The following GPC5 variants were observed in gnomAD, a reference collection of about 807,000 sequenced individuals.
GPC5 encodes glypican 5, also known as glypican-5.
In GPC5, 47 loss-of-function variants were observed where a neutral mutation model predicts 53.9. The ratio of observed to expected loss-of-function variants is 0.87; its 90% CI spans 0.69 to 1.11. GPC5 has a LOEUF of 1.11. Among genes scored for constraint, GPC5 ranks in the 50% most tolerant of loss-of-function variants. GPC5 has a pLI of 0.00. For missense variants in GPC5, 748 were observed against 713.1 expected, an observed-to-expected ratio of 1.05 and a Z score of -0.56; for synonymous variants, 286 against 263.3, an observed-to-expected ratio of 1.09 and a Z score of -0.84.
chr13:92,045,365 T>C (rs1167616536), intron 6 of GPC5, among the ~76,000 whole-genome samples: 2 of 152,174 alleles, frequency 1.3e-5, no homozygotes, highest in African/African-American at 4.8e-5. Context: ...CAAATAGATG[T>C]CAGACTCATT....
At chr13:91,405,832 A>G (rs1309366286) in intron 1 of GPC5, among the ~76,000 whole-genome samples, 1 of 152,156 alleles carries the variant, frequency 6.6e-6, no homozygotes, top group Non-Finnish European at 1.5e-5. Flanking sequence ...GTGCAGTGGT[A>G]TAATTACAGC....
chr13:92,397,562 T>G (rs1433798605), intron 7 of GPC5, among the ~76,000 whole-genome samples: 5 of 152,254 alleles, frequency 3.3e-5, no homozygotes, highest in Admixed American at 2.0e-4. Flanking sequence ...TTCCGCAGCT[T>G]CTGCTCCAGG....
intron 7 of GPC5, among the ~76,000 whole-genome samples, chr13:92,513,682 T>C (rs1880663188): frequency 6.6e-6 from 1 of 152,132 alleles, no homozygotes; most frequent in Non-Finnish European, 1.5e-5. Flanking sequence ...TGTCTCAGAC[T>C]TCAGGTTTTT....
intron 7 of GPC5, among the ~76,000 whole-genome samples, chr13:92,291,831 A>G (rs559092003): frequency 1.3e-5 from 2 of 152,248 alleles, no homozygotes; most frequent in South Asian, 4.2e-4. Flanking sequence ...CTCCAGACGC[A>G]CTGCCTTAAG....
intron 7 of GPC5, among the ~76,000 whole-genome samples, chr13:92,287,259 A>T (rs2042962492): frequency 6.6e-6 from 1 of 152,186 alleles, no homozygotes; most frequent in South Asian, 2.1e-4. Flanking sequence ...ATATCTTGAA[A>T]GTTGTTTTAT....
At chr13:91,829,630 G>A (rs917489247) in intron 5 of GPC5, among the ~76,000 whole-genome samples, 3 of 151,954 alleles carry the variant, frequency 2.0e-5, no homozygotes, top group Non-Finnish European at 2.9e-5. Flanking sequence ...TAGAGGTATC[G>A]GGGAACCTGC....
chr13:92,195,995 C>A (rs912830380), intron 7 of GPC5, among the ~76,000 whole-genome samples: 1 of 152,006 alleles, frequency 6.6e-6, no homozygotes, highest in East Asian at 1.9e-4. Context: ...ATGGAACTGC[C>A]AAGACTTTCA....
At chr13:92,578,496 C>A (rs571050928) in intron 7 of GPC5, among the ~76,000 whole-genome samples, 2 of 152,238 alleles carry the variant, frequency 1.3e-5, no homozygotes, top group South Asian at 4.1e-4. Context: ...TCGTGTGATA[C>A]ACCATCTGCA....
At chr13:91,711,984 G>A (rs1415819285) in intron 3 of GPC5, among the ~76,000 whole-genome samples, 1 of 152,114 alleles carries the variant, frequency 6.6e-6, no homozygotes, top group African/African-American at 2.4e-5. Context: ...CTAAGAACAC[G>A]GTTCAGAAAC....
intron 7 of GPC5, among the ~76,000 whole-genome samples, chr13:92,653,329 T>A (rs1368799953): frequency 6.6e-6 from 1 of 152,152 alleles, no homozygotes; most frequent in Non-Finnish European, 1.5e-5. Context: ...CCCAATCTAC[T>A]TTATCTTTAA....
Position 91,753,604 on chromosome 13 carries a change from A to C in GPC5, c.1155-2691A>C, listed in dbSNP as rs543392596. On this transcript the variant is annotated intron_variant, in intron 4 of 7. Transcript: ENST00000377067. ...ATGATGATAACACCTGCTTGCTGGA[A>C]AACTTAATGGTTCCAACTGCCTTTT... Among the ~76,000 whole-genome samples the C allele has an allele frequency of 3.9e-5, 6 of 152,300 alleles. No homozygotes were observed. In the South Asian group the frequency reaches 1.2e-3, roughly 32 times the overall value.
Position 91,922,555 on chromosome 13 carries a change from C to T in GPC5, c.1401+14498C>T, listed in dbSNP as rs532173883. On this transcript the variant is annotated intron_variant, in intron 6 of 7. Coordinates refer to ENST00000377067, the MANE Select transcript of GPC5 (RefSeq NM_004466.6). ...TTGACTTGAAAAACACCAATTATAT[C>T]TTTTTCTCTGTAACTCTTAGTCATT... Among the ~76,000 whole-genome samples the T allele has an allele frequency of 3.9e-5, 6 of 152,286 alleles. No individual in the cohort carries two copies. The South Asian group carries it at 1.0e-3, about 26-fold the overall frequency.
At chr13:92,092,109 T>C (rs1487576095) in intron 6 of GPC5, among the ~76,000 whole-genome samples, 1 of 152,202 alleles carries the variant, frequency 6.6e-6, no homozygotes, top group Non-Finnish European at 1.5e-5. Flanking sequence ...TGTTGCTATA[T>C]ATCTCTTAAA....
intron 3 of GPC5, among the ~76,000 whole-genome samples, chr13:91,708,221 A>T (rs1034382056): frequency 6.6e-6 from 1 of 152,092 alleles, no homozygotes; most frequent in Non-Finnish European, 1.5e-5. Flanking sequence ...AAAGTTCTAG[A>T]TAGAGATTCC....
At chr13:91,460,300 T>G (rs941726879) in intron 2 of GPC5, among the ~76,000 whole-genome samples, 7 of 141,846 alleles carry the variant, frequency 4.9e-5, no homozygotes, top group African/African-American at 1.7e-4. Flanking sequence ...TTTGTTGTCT[T>G]TTTTTTTTTT....
intron 7 of GPC5, among the ~76,000 whole-genome samples, chr13:92,714,546 C>G (rs1040201196): frequency 6.6e-6 from 1 of 152,300 alleles, no homozygotes; most frequent in South Asian, 2.1e-4. Context: ...AGCTTTTCTA[C>G]CTTCATTATC....
At chr13:91,974,969 A>G (rs528550877) in intron 6 of GPC5, among the ~76,000 whole-genome samples, 3 of 152,312 alleles carry the variant, frequency 2.0e-5, no homozygotes, top group Non-Finnish European at 2.9e-5. Context: ...AATGCCGCAT[A>G]TCTACAACCA....
intron 6 of GPC5, among the ~76,000 whole-genome samples, chr13:91,923,026 C>T (rs1052278814): frequency 2.0e-5 from 3 of 152,096 alleles, no homozygotes; most frequent in African/African-American, 7.2e-5. Context: ...ATTTTCTATT[C>T]TTGTTATCTA....
intron 7 of GPC5, among the ~76,000 whole-genome samples, chr13:92,705,476 TA>T (rs1404170996): frequency 3.3e-5 from 5 of 152,068 alleles, no homozygotes; most frequent in African/African-American, 1.2e-4. Context: ...AGATATACTG[TA>T]AGTGTAAAGT....
Sources: allele counts gnomAD v4.1 joint callset (sites outside exome capture counted in the v4.1 genomes callset), GRCh38; gene constraint gnomAD v4.1.1; transcripts MANE v1.5; gene names NCBI Gene and HGNC (gene_info 2026-07-23, HGNC 2026-07-21).